SLC9A1: variants seen among roughly 807,000 people sequenced by gnomAD.
SLC9A1 encodes the protein solute carrier family 9 member A1, also known as sodium/hydrogen exchanger 1.
SLC9A1 carries 22 observed loss-of-function variants against 67.9 expected under a neutral mutation model. That is an observed-to-expected ratio of 0.32 (90% CI 0.23 to 0.46). The LOEUF is 0.46. SLC9A1 is among the 20% of genes least tolerant of loss of function. The pLI, the probability that SLC9A1 is intolerant of heterozygous loss-of-function variation, is 1.00. For missense variants in SLC9A1, 686 were observed against 1,094.8 expected (o/e 0.63, Z 5.27); for synonymous variants, 421 against 471.8 (o/e 0.89, Z 1.40).
At chr1:27,131,947 A>AAAAAAAATAT in intron 1 of SLC9A1, among the ~76,000 whole-genome samples, 140 of 52,020 alleles carry the variant, frequency 2.7e-3, no homozygotes, top group Non-Finnish European at 3.2e-3. Context: ...AGAAAAAAAA[A>AAAAAAAATAT]ATATATATAT....
At position 27,101,205 on chromosome 1, in the gene SLC9A1, G is replaced by A. The variant is rs2083140633; in HGVS notation, c.2108C>T (p.Ser703Leu). The A allele has an allele frequency of 1.2e-6, 2 of 1,610,074 alleles. No homozygotes were observed. The change falls in exon 11 of 12, where the codon TCA (serine) becomes TTA (leucine). Residue 703 changes from serine (S) to leucine (L), a missense_variant and splice_region_variant. Physicochemically the swap from Ser to Leu is moderately radical, Grantham distance 145 (BLOSUM62 -2). This residue lies in a region of SLC9A1 where 226 missense variants were observed against 282.4 expected (regional missense o/e 0.80). Transcript: ENST00000263980. The surrounding 1 kb of genome is among the most constrained non-coding windows in gnomAD (Gnocchi z 4.9). ...GAGGCCCCTCGCCAGGCCCTTACCT[G>A]AGCCGATGCGGGCCCGAGACATGGT... The part of the protein sequence containing the change: ...SPTMSRARIG[S>L]DPLAYEPKED...
At chr1:27,140,799 A>T (rs1019657177) in intron 1 of SLC9A1, among the ~76,000 whole-genome samples, 4 of 152,178 alleles carry the variant, frequency 2.6e-5, no homozygotes, top group Non-Finnish European at 4.4e-5. Flanking sequence ...TACTCCAGCT[A>T]GGTGGGGTAA....
Position 27,154,539 on chromosome 1 carries a change from G to C in SLC9A1, c.-205C>G, listed in dbSNP as rs551315490. 14 of 531,332 alleles carry C rather than the reference G, an allele frequency of 2.6e-5. No individual in the cohort carries two copies. In the South Asian group the frequency reaches 3.6e-4, roughly 14 times the overall value. The allele number at this position is 531,332 out of a possible 1,614,324, so 32.9% of individuals were successfully genotyped here. ...ATCTGGAACTCCAAAGTGGGGAAAG[G>C]GGGCAAGGACCCAGGAACGACCACG... On this transcript the variant is annotated 5_prime_UTR_variant, in exon 1 of 12. Transcript: ENST00000263980.
In SLC9A1 at chr1:27,102,424, A is replaced by G. The variant is rs780675635; in HGVS notation, c.1781T>C (p.Met594Thr). 7 of 1,604,882 alleles carry G rather than the reference A, an allele frequency of 4.4e-6. No homozygotes were observed. The highest frequency in any genetic ancestry group is 5.1e-6 in the Non-Finnish European group (6 of 1,173,230). The change falls in exon 8 of 12, where the codon ATG becomes ACG. Residue 594 changes from methionine to threonine, a missense_variant. Physicochemically the swap from Met to Thr is moderately conservative, Grantham distance 81. Around this residue, in one of 7 missense-constraint regions of SLC9A1, gnomAD observed 168 missense variants for 375.4 expected, o/e 0.45. Coordinates refer to ENST00000263980, the MANE Select transcript of SLC9A1 (RefSeq NM_003047.5). The part of the protein sequence containing the change: ...QAIELVESGG[M>T]GKIPSAVSTV... ...GGAGACGGCAGAGGGGATCTTGCCC[A>G]TGCCCCCGCTCTCCACCAGCTCGAT...
chr1:27,100,182 G>T lies in SLC9A1; in HGVS notation c.*125C>A. 1.5e-6 allele frequency: 1 copy of T among 661,752 alleles called. No individual in the cohort carries two copies. Among genetic ancestry groups the T allele is most frequent in the Non-Finnish European group, 2.4e-6 (1 of 412,904 alleles). 41.0% of individuals were successfully genotyped at this position (661,752 alleles called of 1,614,324 possible). A position where few individuals can be genotyped will look rare whatever the true frequency, so the allele number is the denominator to read the frequency against. Reference sequence around the variant, plus strand: ...TGCTGGGGTGGGGGCTGTGGGCCCAGCTGCCATGCGGTAGGGGGAGGGGCA... The same window carrying T: ...TGCTGGGGTGGGGGCTGTGGGCCCATCTGCCATGCGGTAGGGGGAGGGGCA... On this transcript the variant is annotated 3_prime_UTR_variant, in exon 12 of 12. Transcript: ENST00000263980. This position sits in a 1 kb window ranked among gnomAD's most constrained non-coding sequence, Gnocchi z 5.6.
At chr1:27,122,381 C>G (rs766993708) in intron 1 of SLC9A1, among the ~76,000 whole-genome samples, 6 of 152,198 alleles carry the variant, frequency 3.9e-5, no homozygotes, top group Admixed American at 6.5e-5. Flanking sequence ...AGGTGGGTGA[C>G]TAAAGGGGGA....
intron 1 of SLC9A1, among the ~76,000 whole-genome samples, chr1:27,131,950 ATATATAT>A (rs1557428222): frequency 4.3e-5 from 4 of 92,034 alleles, no homozygotes; most frequent in South Asian, 4.3e-4. Context: ...AAAAAAAAAT[ATATATAT>A]ATATATATAT....
At chr1:27,104,175 G>A (rs567385745) in intron 5 of SLC9A1, among the ~76,000 whole-genome samples, 2 of 146,758 alleles carry the variant, frequency 1.4e-5, no homozygotes, top group Admixed American at 1.4e-4. Context: ...TCCACCTCCC[G>A]GGTTCAAGTG....
At chr1:27,111,718 GA>G (rs1306772725) in intron 2 of SLC9A1, among the ~76,000 whole-genome samples, 1 of 152,192 alleles carries the variant, frequency 6.6e-6, no homozygotes, top group Non-Finnish European at 1.5e-5. Flanking sequence ...GCTAAGAGGG[GA>G]TGATCATTTG....
At chr1:27,149,212 T>G (rs2083510541) in intron 1 of SLC9A1, among the ~76,000 whole-genome samples, 1 of 151,844 alleles carries the variant, frequency 6.6e-6, no homozygotes, top group Non-Finnish European at 1.5e-5. Flanking sequence ...CGCTTCTCAG[T>G]GCAGGGCCAT....
At chr1:27,124,139 G>A (rs1243908067) in intron 1 of SLC9A1, among the ~76,000 whole-genome samples, 3 of 152,064 alleles carry the variant, frequency 2.0e-5, no homozygotes, top group Non-Finnish European at 4.4e-5. Flanking sequence ...CTTACAGATG[G>A]TATCAGGTGC....
At chr1:27,131,090 G>C (rs1395637646) in intron 1 of SLC9A1, among the ~76,000 whole-genome samples, 2 of 152,230 alleles carry the variant, frequency 1.3e-5, no homozygotes, top group Non-Finnish European at 2.9e-5. Flanking sequence ...ACATGGCACT[G>C]GCACAAGGTG....
Position 27,109,814 on chromosome 1 carries a change from G to A in SLC9A1, c.814-37C>T, listed in dbSNP as rs2083215716. 2 of 1,610,658 alleles carry A rather than the reference G, an allele frequency of 1.2e-6. No individual in the cohort carries two copies. The highest frequency in any genetic ancestry group is 1.7e-6 in the Non-Finnish European group (2 of 1,178,710). On this transcript the variant is annotated intron_variant, in intron 2 of 11. Coordinates refer to ENST00000263980, the MANE Select transcript of SLC9A1 (RefSeq NM_003047.5). The surrounding 1 kb of genome is among the most constrained non-coding windows in gnomAD (Gnocchi z 5.5). Reference sequence around the variant, plus strand: ...GTGCAGGCTGGTGGGTGGGAGGAGAGGGCCCTGGCCCCACGGTTCCCTGGG... The same window carrying A: ...GTGCAGGCTGGTGGGTGGGAGGAGAAGGCCCTGGCCCCACGGTTCCCTGGG...
intron 1 of SLC9A1, among the ~76,000 whole-genome samples, chr1:27,138,193 T>G (rs1447698340): frequency 6.6e-6 from 1 of 152,180 alleles, no homozygotes; most frequent in Admixed American, 6.5e-5. Flanking sequence ...CCCTGCCCTC[T>G]TCTCCATTCT....
At chr1:27,108,364 C>T (rs2083204890) in intron 3 of SLC9A1, among the ~76,000 whole-genome samples, 1 of 146,826 alleles carries the variant, frequency 6.8e-6, no homozygotes, top group African/African-American at 2.5e-5. Context: ...CATGCCCGGC[C>T]CTATTCCTCC....
intron 1 of SLC9A1, among the ~76,000 whole-genome samples, chr1:27,127,665 G>C (rs2083354773): frequency 6.6e-6 from 1 of 152,186 alleles, no homozygotes; most frequent in South Asian, 2.1e-4. Context: ...AGGTGGTCAA[G>C]GGAGACAGCG....
rs1275190833 is a variant in SLC9A1 at position 27,099,053 on chromosome 1, C to T, written c.*1254G>A. On this transcript the variant is annotated 3_prime_UTR_variant, in exon 12 of 12. Coordinates refer to ENST00000263980, the MANE Select transcript of SLC9A1 (RefSeq NM_003047.5). Reference sequence around the variant, plus strand: ...ATTGCACAATCCTGGGGGAGTGCCCCAGGGACAAGGGGAAGGAGTGTGTGT... The same window carrying T: ...ATTGCACAATCCTGGGGGAGTGCCCTAGGGACAAGGGGAAGGAGTGTGTGT... 6.5e-6 allele frequency: 1 copy of T among 152,674 alleles called. No individual in the cohort carries two copies. The highest frequency in any genetic ancestry group is 6.5e-5 in the Admixed American group (1 of 15,278). 9.5% of individuals were successfully genotyped at this position (152,674 alleles called of 1,614,324 possible).
In SLC9A1 at chr1:27,100,145, G is replaced by C; in HGVS notation, c.*162C>G. On this transcript the variant is annotated 3_prime_UTR_variant, in exon 12 of 12. Transcript: ENST00000263980. The surrounding 1 kb of genome is among the most constrained non-coding windows in gnomAD (Gnocchi z 5.6). ...GGAGGATGCTTCCCGGGAGGCGGCA[G>C]GGGAGGAGCTGTGCTGGGGTGGGGG... 2.0e-6 allele frequency: 1 copy of C among 504,926 alleles called. No individual in the cohort carries two copies. The highest frequency in any genetic ancestry group is 3.4e-6 in the Non-Finnish European group (1 of 292,842). 31.3% of individuals were successfully genotyped at this position (504,926 alleles called of 1,614,324 possible).
intron 1 of SLC9A1, among the ~76,000 whole-genome samples, chr1:27,120,884 C>G (rs1404797055): frequency 6.6e-6 from 1 of 152,076 alleles, no homozygotes; most frequent in African/African-American, 2.4e-5. Context: ...ATGAAGAAAT[C>G]CAGGTTCAGA....
Sources: allele counts gnomAD v4.1 joint callset (sites outside exome capture counted in the v4.1 genomes callset), GRCh38; gene constraint gnomAD v4.1.1; regional missense constraint gnomAD v4.1.1; non-coding constraint Gnocchi (gnomAD v3.1); transcripts MANE v1.5; gene names NCBI Gene and HGNC (gene_info 2026-07-23, HGNC 2026-07-21).